GRIK3: variants seen among roughly 807,000 people sequenced by gnomAD.
The protein encoded by GRIK3 is glutamate ionotropic receptor kainate type subunit 3.
Under a neutral mutation model 102.5 loss-of-function variants are expected in GRIK3, and 29 were observed. The ratio of observed to expected loss-of-function variants is 0.28; its 90% CI spans 0.21 to 0.39. GRIK3 has a LOEUF of 0.39. Among genes scored for constraint, GRIK3 ranks in the 10% least tolerant of loss-of-function variants. The probability of loss-of-function intolerance (pLI) is 1.00; values close to 1 mark genes in which losing one functional copy is unlikely to be tolerated. For synonymous variants in GRIK3, 511 were observed against 504.9 expected, an observed-to-expected ratio of 1.01 and a Z score of -0.16; for missense variants, 908 against 1,252.4, an observed-to-expected ratio of 0.73 and a Z score of 4.15.
chr1:37,034,081 T>G lies in GRIK3; in HGVS notation c.28A>C (p.Ser10Arg). 1 of 1,590,082 alleles carries G rather than the reference T, an allele frequency of 6.3e-7. No homozygotes were observed. The highest frequency in any genetic ancestry group is 1.7e-5 in the Admixed American group (1 of 58,198). Residue 10 changes from serine (S) to arginine (R), a missense_variant, in exon 1 of 16, where the codon AGT (serine) becomes CGT (arginine). Physicochemically the swap from Ser to Arg is moderately radical, Grantham distance 110 (BLOSUM62 -1). This residue lies in a region of GRIK3 where 585 missense variants were observed against 824.9 expected (regional missense o/e 0.71). Transcript: ENST00000373091. The part of the protein sequence containing the change: MTAPWRRLR[S>R]LVWEYWAGLL... The stretch of plus-strand genomic sequence containing the variant: ...CCGGCCCAGTATTCCCAAACCAGAC[T>G]CCGGAGGCGCCGCCAGGGAGCGGTC...
At chr1:36,927,238 A>G (rs1179367379) in intron 1 of GRIK3, among the ~76,000 whole-genome samples, 1 of 152,194 alleles carries the variant, frequency 6.6e-6, no homozygotes, top group Non-Finnish European at 1.5e-5. Context: ...TTCTGAGGTT[A>G]AAATAAAGCC....
At chr1:36,903,781 T>TA (rs144857823) in intron 1 of GRIK3, among the ~76,000 whole-genome samples, 1,725 of 152,036 alleles carry the variant, frequency 0.011, 30 homozygotes, top group African/African-American at 0.04. Context: ...ATGGAGATAG[T>TA]AAAAAAAAGC....
chr1:37,009,034 C>G (rs1642560881), intron 1 of GRIK3, among the ~76,000 whole-genome samples: 1 of 151,830 alleles, frequency 6.6e-6, no homozygotes, highest in African/African-American at 2.4e-5. Context: ...AAGCTACTTA[C>G]CCCTCTGAGC....
chr1:36,932,788 A>G (rs992363908), intron 1 of GRIK3, among the ~76,000 whole-genome samples: 6 of 152,184 alleles, frequency 3.9e-5, no homozygotes, highest in African/African-American at 1.4e-4. Flanking sequence ...TCACAAGTGT[A>G]TCTACAGTCA....
At chr1:37,018,473 T>A (rs1275770007) in intron 1 of GRIK3, among the ~76,000 whole-genome samples, 1 of 152,208 alleles carries the variant, frequency 6.6e-6, no homozygotes, top group Non-Finnish European at 1.5e-5. Flanking sequence ...CCCACCTGCA[T>A]GCCTCCAAAT....
intron 1 of GRIK3, among the ~76,000 whole-genome samples, chr1:36,899,456 G>A (rs1246756574): frequency 1.3e-5 from 2 of 152,106 alleles, no homozygotes; most frequent in African/African-American, 4.8e-5. Context: ...CTTATATGAG[G>A]TACTTAGAGT....
At chr1:37,025,067 C>G (rs1642753283) in intron 1 of GRIK3, among the ~76,000 whole-genome samples, 1 of 152,184 alleles carries the variant, frequency 6.6e-6, no homozygotes, top group Non-Finnish European at 1.5e-5. Context: ...CAAACCCACA[C>G]TCAGACCCCA....
intron 1 of GRIK3, among the ~76,000 whole-genome samples, chr1:36,941,463 G>C (rs921931691): frequency 1.3e-5 from 2 of 152,216 alleles, no homozygotes; most frequent in African/African-American, 2.4e-5. Context: ...GCCCGGGCTG[G>C]GGGTGGCTTC....
At chr1:36,829,466 C>T (rs1187773439) in intron 10 of GRIK3, among the ~76,000 whole-genome samples, 1 of 151,698 alleles carries the variant, frequency 6.6e-6, no homozygotes, top group Non-Finnish European at 1.5e-5. Context: ...TTGGTCTTTG[C>T]TATAATATTT....
chr1:36,804,497 T>C (rs1019039536), intron 15 of GRIK3: 4 of 165,926 alleles, frequency 2.4e-5, no homozygotes, highest in African/African-American at 9.5e-5. Context: ...CTACTGTCTA[T>C]ATGCTTGGGC....
chr1:36,806,977 T>C lies in GRIK3; in HGVS notation c.2092-651A>G, dbSNP rs1043916989. ...CTTCAACCAATGGAGGCCTCTTTTATGTCCTGTTTCAGGGGAAGATTTTGC... is the reference window on the plus strand; with the variant it reads ...CTTCAACCAATGGAGGCCTCTTTTACGTCCTGTTTCAGGGGAAGATTTTGC... On this transcript the variant is annotated intron_variant, in intron 13 of 15. Coordinates refer to ENST00000373091, the MANE Select transcript of GRIK3 (RefSeq NM_000831.4). This position sits in a 1 kb window ranked among gnomAD's most constrained non-coding sequence, Gnocchi z 4.0. Among the ~76,000 whole-genome samples, 1 of 152,254 alleles carries C rather than the reference T, an allele frequency of 6.6e-6. No individual in the cohort carries two copies. The highest frequency in any genetic ancestry group is 1.5e-5 in the Non-Finnish European group (1 of 68,002).
At chr1:36,901,759 T>C (rs1322821332) in intron 1 of GRIK3, among the ~76,000 whole-genome samples, 6 of 152,114 alleles carry the variant, frequency 3.9e-5, no homozygotes, top group Non-Finnish European at 8.8e-5. Context: ...GAAATTCAGA[T>C]TGGGGAGGAA....
At chr1:36,809,122 A>T (rs1642531207) in intron 13 of GRIK3, among the ~76,000 whole-genome samples, 1 of 151,942 alleles carries the variant, frequency 6.6e-6, no homozygotes, top group Non-Finnish European at 1.5e-5. Flanking sequence ...GCATCTGCCC[A>T]TCTAATCTAT....
intron 1 of GRIK3, among the ~76,000 whole-genome samples, chr1:36,967,547 G>C (rs1642093523): frequency 6.6e-6 from 1 of 152,194 alleles, no homozygotes; most frequent in Non-Finnish European, 1.5e-5. Context: ...GAAAGGAGGA[G>C]GTAGGTGACA....
At chr1:36,912,447 C>T (rs1206122818) in intron 1 of GRIK3, among the ~76,000 whole-genome samples, 2 of 151,974 alleles carry the variant, frequency 1.3e-5, no homozygotes, top group African/African-American at 2.4e-5. Flanking sequence ...CTCTGCTGCC[C>T]ACAGTGTAAC....
chr1:36,850,252 G>T lies in GRIK3; in HGVS notation c.1326+59C>A, dbSNP rs970236119. ...GGGGATAGAGGGGACTCTCCAGCCC[G>T]AACGGCCACCCCACCCCCAGGTCGG... On this transcript the variant is annotated intron_variant, in intron 9 of 15. Transcript: ENST00000373091. The surrounding 1 kb of genome is among the most constrained non-coding windows in gnomAD (Gnocchi z 4.0). 23 of 1,096,976 alleles carry T rather than the reference G, an allele frequency of 2.1e-5. No homozygotes were observed. The African/African-American group carries it at 2.6e-4, about 12-fold the overall frequency. 68.0% of individuals were successfully genotyped at this position (1,096,976 alleles called of 1,614,324 possible).
chr1:36,963,910 A>G (rs1198481226), intron 1 of GRIK3, among the ~76,000 whole-genome samples: 1 of 152,194 alleles, frequency 6.6e-6, no homozygotes, highest in Admixed American at 6.5e-5. Flanking sequence ...GATTGTTTCC[A>G]TTTGTCCATC....
intron 1 of GRIK3, among the ~76,000 whole-genome samples, chr1:36,947,630 G>A (rs796450073): frequency 2.6e-5 from 4 of 152,198 alleles, no homozygotes; most frequent in African/African-American, 9.6e-5. Flanking sequence ...TCTTATCAGA[G>A]AAGATGTGGA....
chr1:36,918,071 T>A (rs1641422116), intron 1 of GRIK3, among the ~76,000 whole-genome samples: 1 of 152,150 alleles, frequency 6.6e-6, no homozygotes, highest in African/African-American at 2.4e-5. Context: ...AAATATAGGT[T>A]TAAAGACACT....
Sources: allele counts gnomAD v4.1 joint callset (sites outside exome capture counted in the v4.1 genomes callset), GRCh38; gene constraint gnomAD v4.1.1; regional missense constraint gnomAD v4.1.1; non-coding constraint Gnocchi (gnomAD v3.1); transcripts MANE v1.5; gene names NCBI Gene and HGNC (gene_info 2026-07-23, HGNC 2026-07-21).